Variants in TANC2 observed in about 807,000 individuals in gnomAD.
TANC2 encodes protein TANC2.
In TANC2, 26 loss-of-function variants were observed where a neutral mutation model predicts 210.5. That is an observed-to-expected ratio of 0.12 (90% CI 0.09 to 0.17). The LOEUF (loss-of-function observed/expected upper bound fraction) is 0.17, where lower values mean the gene tolerates loss of function less well. TANC2 is among the 10% of genes least tolerant of loss of function. TANC2 has a pLI of 1.00. For synonymous variants in TANC2, 931 were observed against 967.1 expected, an observed-to-expected ratio of 0.96 and a Z score of 0.69; for missense variants, 2,129 against 2,608.9, an observed-to-expected ratio of 0.82 and a Z score of 4.01.
At chr17:63,197,036 A>C (rs1229019090) in intron 6 of TANC2, among the ~76,000 whole-genome samples, 9 of 152,218 alleles carry the variant, frequency 5.9e-5, no homozygotes, top group Non-Finnish European at 1.0e-4. Context: ...GATCAAGTTA[A>C]ATCATGAATA....
intron 2 of TANC2, among the ~76,000 whole-genome samples, chr17:63,038,737 G>T (rs925911878): frequency 5.9e-5 from 9 of 152,080 alleles, no homozygotes; most frequent in African/African-American, 2.2e-4. Context: ...GTGAGTTTCA[G>T]TAGTTATTAA....
intron 17 of TANC2, among the ~76,000 whole-genome samples, 177 bp from the exon 18 acceptor site, chr17:63,395,566 T>C (rs1310774905): frequency 6.6e-6 from 1 of 152,154 alleles, no homozygotes; most frequent in African/African-American, 2.4e-5. Flanking sequence ...TTTAGCATAG[T>C]TGTAGCTCAG....
At chr17:63,123,993 G>A (rs1040743318) in intron 4 of TANC2, among the ~76,000 whole-genome samples, 10 of 152,186 alleles carry the variant, frequency 6.6e-5, no homozygotes, top group South Asian at 2.1e-4. Context: ...GAGCCACAGC[G>A]CCCGGCCATA....
At chr17:63,389,671 C>T in intron 17 of TANC2, 127 bp downstream of exon 17, 1 of 925,646 alleles carries the variant, frequency 1.1e-6, no homozygotes, top group Non-Finnish European at 1.7e-6. Context: ...GAGAGGAGAT[C>T]AGAGAGAGTG....
At chr17:63,203,153 A>T (rs1377605611) in intron 7 of TANC2, among the ~76,000 whole-genome samples, 1 of 152,178 alleles carries the variant, frequency 6.6e-6, no homozygotes, top group Non-Finnish European at 1.5e-5. Flanking sequence ...TCACATTCTC[A>T]TCAGCAGTAT....
chr17:63,256,661 G>A (rs1280444860), intron 8 of TANC2, among the ~76,000 whole-genome samples: 1 of 152,134 alleles, frequency 6.6e-6, no homozygotes, highest in East Asian at 1.9e-4. Flanking sequence ...TTTCTGTCTG[G>A]ATGATCTGTC....
intron 7 of TANC2, among the ~76,000 whole-genome samples, chr17:63,225,850 T>TA (rs1163136191): frequency 6.6e-6 from 1 of 152,194 alleles, no homozygotes; most frequent in Admixed American, 6.5e-5. Context: ...ATTTGGATTG[T>TA]AAAAAAAGAT....
At chr17:63,400,264 C>T (rs547324822) in intron 19 of TANC2, among the ~76,000 whole-genome samples, 1 of 152,288 alleles carries the variant, frequency 6.6e-6, no homozygotes, top group East Asian at 1.9e-4. Flanking sequence ...ATAGAAATTA[C>T]AAGACTAATA....
At chr17:63,190,140 G>A (rs963970539) in intron 5 of TANC2, among the ~76,000 whole-genome samples, 2 of 152,036 alleles carry the variant, frequency 1.3e-5, no homozygotes, top group Non-Finnish European at 2.9e-5. Flanking sequence ...TTCAAGACCA[G>A]CCTGGGCAAC....
chr17:63,185,934 C>G (rs779438934), intron 5 of TANC2, among the ~76,000 whole-genome samples: 15 of 152,034 alleles, frequency 9.9e-5, no homozygotes, highest in Non-Finnish European at 1.8e-4. Flanking sequence ...ATTGACTTTG[C>G]CAATCTTTTT....
chr17:63,012,389 T>C (rs1260183396), intron 2 of TANC2, among the ~76,000 whole-genome samples: 4 of 152,140 alleles, frequency 2.6e-5, no homozygotes, highest in Non-Finnish European at 4.4e-5. Flanking sequence ...TTTGAAATTT[T>C]TTCTGTGGTT....
intron 4 of TANC2, among the ~76,000 whole-genome samples, chr17:63,102,232 G>C (rs1268965354): frequency 6.6e-6 from 1 of 151,960 alleles, no homozygotes; most frequent in Admixed American, 6.6e-5. Flanking sequence ...TGTTGCTTGA[G>C]CCCAGGAGGT....
At chr17:63,250,083 A>T (rs2043015967) in intron 8 of TANC2, among the ~76,000 whole-genome samples, 1 of 149,646 alleles carries the variant, frequency 6.7e-6, no homozygotes, top group Non-Finnish European at 1.5e-5. Context: ...TCTAAAAAAA[A>T]GCTGTTCTTT....
At chr17:63,021,612 C>T (rs1334708212) in intron 2 of TANC2, among the ~76,000 whole-genome samples, 1 of 152,168 alleles carries the variant, frequency 6.6e-6, no homozygotes, top group East Asian at 1.9e-4. Context: ...ATTATCCAGT[C>T]TCAAGTATTC....
intron 5 of TANC2, among the ~76,000 whole-genome samples, chr17:63,186,602 C>G (rs934400267): frequency 7.9e-5 from 12 of 151,906 alleles, no homozygotes; most frequent in Non-Finnish European, 1.5e-4. Context: ...ATCCACCCCC[C>G]GCTTCAGCCT....
At chr17:63,005,250 T>A (rs2033565852) in intron 1 of TANC2, 2 of 152,280 alleles carry the variant, frequency 1.3e-5, no homozygotes, top group South Asian at 4.1e-4. Context: ...CAAATGGCCA[T>A]GTAGTGTAGG....
exon 9 of TANC2, chr17:63,267,773 C>T (rs1423196688): frequency 6.2e-7 from 1 of 1,612,746 alleles, no homozygotes; most frequent in African/African-American, 1.3e-5. Context: ...ACTTGGAAGA[C>T]CTTGCTTACC....
chr17:63,370,136 C>G (rs1266794803), intron 14 of TANC2, among the ~76,000 whole-genome samples: 1 of 151,548 alleles, frequency 6.6e-6, no homozygotes, highest in East Asian at 1.9e-4. Flanking sequence ...CCCATTTTCA[C>G]TGATATTGAG....
chr17:63,362,125 G>C (rs985427074), intron 14 of TANC2, among the ~76,000 whole-genome samples: 4 of 152,224 alleles, frequency 2.6e-5, no homozygotes, highest in Non-Finnish European at 5.9e-5. Flanking sequence ...CCTCAGCAGA[G>C]AGGAGACCTG....
Sources: allele counts gnomAD v4.1 joint callset (sites outside exome capture counted in the v4.1 genomes callset), GRCh38; gene constraint gnomAD v4.1.1; transcripts MANE v1.5; gene names NCBI Gene and HGNC (gene_info 2026-07-23, HGNC 2026-07-21).